UBE2E2: variants seen among roughly 807,000 people sequenced by gnomAD.
UBE2E2 encodes ubiquitin-conjugating enzyme E2 E2.
UBE2E2 carries 6 observed loss-of-function variants against 24.7 expected under a neutral mutation model. That is an observed-to-expected ratio of 0.24 (90% CI 0.13 to 0.48). The LOEUF (loss-of-function observed/expected upper bound fraction) is 0.48. UBE2E2 is among the 20% of genes least tolerant of loss of function. The pLI is 0.99. For missense variants in UBE2E2, 169 were observed against 245.0 expected, an observed-to-expected ratio of 0.69 and a Z score of 2.07; for synonymous variants, 104 against 83.6, an observed-to-expected ratio of 1.24 and a Z score of -1.33.
intron 2 of UBE2E2, among the ~76,000 whole-genome samples, chr3:23,214,825 C>G (rs1575475274): frequency 6.6e-6 from 1 of 151,784 alleles, no homozygotes; most frequent in Non-Finnish European, 1.5e-5. Context: ...TTATCCACCC[C>G]CTGCCCCTAG....
chr3:23,521,684 ACCT>A (rs1334533745), intron 4 of UBE2E2, among the ~76,000 whole-genome samples: 1 of 152,072 alleles, frequency 6.6e-6, no homozygotes, highest in Non-Finnish European at 1.5e-5. Context: ...AAATTGGTAA[ACCT>A]CCTTAAAACA....
intron 5 of UBE2E2, among the ~76,000 whole-genome samples, chr3:23,556,795 A>G (rs1401557885): frequency 6.6e-6 from 1 of 152,174 alleles, no homozygotes; most frequent in Non-Finnish European, 1.5e-5. Context: ...ATAATAATCT[A>G]TATAATTTTA....
intron 3 of UBE2E2, among the ~76,000 whole-genome samples, chr3:23,311,206 C>T (rs1490609177): frequency 4.6e-5 from 7 of 152,212 alleles, no homozygotes; most frequent in African/African-American, 9.6e-5. Flanking sequence ...TTTGTGGCTG[C>T]GTAGTATTCG....
At chr3:23,488,979 T>A (rs1340895306) in intron 3 of UBE2E2, among the ~76,000 whole-genome samples, 1 of 152,160 alleles carries the variant, frequency 6.6e-6, no homozygotes, top group Non-Finnish European at 1.5e-5. Flanking sequence ...CATCTTAATC[T>A]CTGGTGTCCT....
At chr3:23,208,388 C>G (rs1372324816) in intron 1 of UBE2E2, among the ~76,000 whole-genome samples, 5 of 152,092 alleles carry the variant, frequency 3.3e-5, no homozygotes, top group Non-Finnish European at 5.9e-5. Context: ...GAATATACTA[C>G]TATATTTTGT....
intron 3 of UBE2E2, among the ~76,000 whole-genome samples, chr3:23,458,428 T>TGGTGGTGGTGGTGG (rs76760747): frequency 2.7e-5 from 4 of 147,984 alleles, no homozygotes; most frequent in African/African-American, 1.0e-4. Context: ...GTGGTGGTGG[T>TGGTGGTGGTGGTGG]TGTTGTTGTT....
chr3:23,465,923 T>C (rs1379056716), intron 3 of UBE2E2, among the ~76,000 whole-genome samples: 1 of 152,154 alleles, frequency 6.6e-6, no homozygotes, highest in Non-Finnish European at 1.5e-5. Context: ...CTGAGAGCAA[T>C]AGTCTGCATT....
chr3:23,457,168 A>C (rs553715801), intron 3 of UBE2E2, among the ~76,000 whole-genome samples: 1 of 152,150 alleles, frequency 6.6e-6, no homozygotes, highest in South Asian at 2.1e-4. Context: ...TGATGCTTCT[A>C]TATATGCTGC....
At chr3:23,255,617 T>C (rs1462752282) in intron 3 of UBE2E2, among the ~76,000 whole-genome samples, 1 of 152,164 alleles carries the variant, frequency 6.6e-6, no homozygotes, top group Non-Finnish European at 1.5e-5. Context: ...TTGACACTGA[T>C]CTAGGTGGGA....
At chr3:23,287,469 T>C (rs1698647526) in intron 3 of UBE2E2, among the ~76,000 whole-genome samples, 2 of 152,196 alleles carry the variant, frequency 1.3e-5, no homozygotes. Context: ...CCTTCTCTTC[T>C]CTTTTTTAGA....
At chr3:23,380,783 T>C (rs923918149) in intron 3 of UBE2E2, among the ~76,000 whole-genome samples, 5 of 152,346 alleles carry the variant, frequency 3.3e-5, no homozygotes, top group Non-Finnish European at 7.3e-5. Flanking sequence ...TCTAGTACTC[T>C]GTATTTCAGG....
intron 2 of UBE2E2, among the ~76,000 whole-genome samples, chr3:23,213,465 C>T (rs1028965389): frequency 6.6e-6 from 1 of 151,992 alleles, no homozygotes; most frequent in African/African-American, 2.4e-5. Flanking sequence ...GTAGTCTTAT[C>T]ATTCATTCCT....
At position 23,279,332 on chromosome 3, in the gene UBE2E2, A is replaced by C. The variant is rs537693666; in HGVS notation, c.227+62020A>C. On this transcript the variant is annotated intron_variant, in intron 3 of 5. Transcript: ENST00000396703. Reference sequence around the variant, plus strand: ...CAAGTTAGCAATCTGCAGTTTTGGGAAACCTAGCTTCTGGGGAAACTGAAA... The same window carrying C: ...CAAGTTAGCAATCTGCAGTTTTGGGCAACCTAGCTTCTGGGGAAACTGAAA... 1.4e-3 allele frequency among the ~76,000 whole-genome samples: 219 copies of C among 152,280 alleles called. 1 individual carries two copies. Among genetic ancestry groups the C allele is most frequent in the Non-Finnish European group, 2.7e-3 (182 of 68,008 alleles).
intron 3 of UBE2E2, among the ~76,000 whole-genome samples, chr3:23,425,156 G>A (rs375615079): frequency 5.8e-4 from 89 of 152,214 alleles, no homozygotes; most frequent in African/African-American, 1.7e-3. Flanking sequence ...ATTTCAGTAT[G>A]TATCCTTGAG....
At chr3:23,493,469 A>C (rs528610800) in intron 3 of UBE2E2, among the ~76,000 whole-genome samples, 1 of 152,218 alleles carries the variant, frequency 6.6e-6, no homozygotes, top group African/African-American at 2.4e-5. Context: ...TTTTCATTCT[A>C]AAAGATTTAC....
intron 3 of UBE2E2, among the ~76,000 whole-genome samples, chr3:23,402,706 A>G (rs1697257639): frequency 6.6e-6 from 1 of 152,298 alleles, no homozygotes; most frequent in African/African-American, 2.4e-5. Context: ...TAAATACTCT[A>G]GTTATATGTT....
At chr3:23,497,358 T>A (rs1201162113) in intron 3 of UBE2E2, among the ~76,000 whole-genome samples, 1 of 152,226 alleles carries the variant, frequency 6.6e-6, no homozygotes, top group Non-Finnish European at 1.5e-5. Context: ...CGCAATTTGC[T>A]GGAGAGATGA....
chr3:23,286,204 T>C (rs1698611471), intron 3 of UBE2E2, among the ~76,000 whole-genome samples: 1 of 152,198 alleles, frequency 6.6e-6, no homozygotes, highest in Non-Finnish European at 1.5e-5. Context: ...CCATTTTTGC[T>C]TTAGTTTCTT....
chr3:23,451,186 G>C (rs936803831), intron 3 of UBE2E2, among the ~76,000 whole-genome samples: 1 of 152,128 alleles, frequency 6.6e-6, no homozygotes, highest in African/African-American at 2.4e-5. Context: ...CCAGGAGTTT[G>C]AGTTTAGCCT....
Sources: allele counts gnomAD v4.1 joint callset (sites outside exome capture counted in the v4.1 genomes callset), GRCh38; gene constraint gnomAD v4.1.1; transcripts MANE v1.5; gene names NCBI Gene and HGNC (gene_info 2026-07-23, HGNC 2026-07-21).